EPHA6: variants seen among roughly 807,000 people sequenced by gnomAD.
EPHA6 encodes EPH receptor A6.
EPHA6 carries 50 observed loss-of-function variants against 112.0 expected under a neutral mutation model. That is an observed-to-expected ratio of 0.45 (90% CI 0.36 to 0.56). The LOEUF is 0.56. Ranked by LOEUF, EPHA6 falls within the 20% of genes least tolerant of loss-of-function variation. The pLI is 0.00. For synonymous variants in EPHA6, 529 were observed against 490.7 expected (o/e 1.08, Z -1.03); for missense variants, 1,280 against 1,417.4 (o/e 0.90, Z 1.56).
chr3:97,207,320 C>T (rs549415748), intron 3 of EPHA6, among the ~76,000 whole-genome samples: 5 of 152,188 alleles, frequency 3.3e-5, no homozygotes, highest in South Asian at 2.1e-4. Flanking sequence ...TTGCAAAGTA[C>T]GGTCTTAGAG....
chr3:97,373,405 C>A (rs889013332), intron 5 of EPHA6, among the ~76,000 whole-genome samples: 5 of 152,078 alleles, frequency 3.3e-5, no homozygotes, highest in African/African-American at 1.2e-4. Flanking sequence ...TGGTGGTATT[C>A]CTCTTTTCCA....
At chr3:97,457,257 A>G (rs2090720853) in intron 7 of EPHA6, among the ~76,000 whole-genome samples, 1 of 152,212 alleles carries the variant, frequency 6.6e-6, no homozygotes, top group South Asian at 2.1e-4. Flanking sequence ...AGCTGGTTGT[A>G]GAGTATCATA....
chr3:97,506,507 G>C (rs983877705), intron 10 of EPHA6, among the ~76,000 whole-genome samples: 1 of 152,080 alleles, frequency 6.6e-6, no homozygotes, highest in South Asian at 2.1e-4. Flanking sequence ...GGTGGAGTTA[G>C]TTCTGAGACC....
intron 3 of EPHA6, among the ~76,000 whole-genome samples, chr3:97,035,671 A>G (rs540941343): frequency 6.6e-6 from 1 of 152,064 alleles, no homozygotes; most frequent in South Asian, 2.1e-4. Context: ...TCTTACATGT[A>G]AAGACTGATG....
chr3:97,038,070 T>C (rs2045174571), intron 3 of EPHA6, among the ~76,000 whole-genome samples: 2 of 152,046 alleles, frequency 1.3e-5, no homozygotes, highest in South Asian at 2.1e-4. Context: ...ACATGAGATA[T>C]GTTTATACAT....
intron 5 of EPHA6, among the ~76,000 whole-genome samples, chr3:97,334,741 G>T (rs1383726192): frequency 6.6e-6 from 1 of 151,868 alleles, no homozygotes; most frequent in African/African-American, 2.4e-5. Context: ...GTAATTTGTG[G>T]TTTTTGAAGA....
chr3:97,071,817 G>A (rs1032570861), intron 3 of EPHA6, among the ~76,000 whole-genome samples: 1 of 151,662 alleles, frequency 6.6e-6, no homozygotes. Context: ...TTGGTGCACC[G>A]ATCACCCGAG....
rs368252185 is a variant in EPHA6 at position 97,455,806 on chromosome 3, A to T, written c.1894+7076A>T. Among the ~76,000 whole-genome samples, 436 of 151,968 alleles carry T rather than the reference A, an allele frequency of 2.9e-3. 2 individuals carry two copies. The highest frequency in any genetic ancestry group is 8.9e-3 in the African/African-American group (369 of 41,478). ...TGCAGGGTCTTGATGAAGAGTAACTATTTGCACAGAAAGTAGAAGTCGCCC... is the reference window on the plus strand; with the variant it reads ...TGCAGGGTCTTGATGAAGAGTAACTTTTTGCACAGAAAGTAGAAGTCGCCC... On this transcript the variant is annotated intron_variant, in intron 7 of 17. Transcript: ENST00000389672.
intron 8 of EPHA6, among the ~76,000 whole-genome samples, chr3:97,479,084 C>T (rs544341300): frequency 1.1e-4 from 17 of 152,138 alleles, no homozygotes; most frequent in East Asian, 3.9e-4. Flanking sequence ...TCCTATCTTT[C>T]GAATCCATCT....
At chr3:97,500,283 A>T (rs1267345460) in intron 10 of EPHA6, among the ~76,000 whole-genome samples, 4 of 150,702 alleles carry the variant, frequency 2.7e-5, no homozygotes, top group Admixed American at 6.6e-5. Context: ...GGATAATTTT[A>T]TTTTTTTTTT....
intron 3 of EPHA6, among the ~76,000 whole-genome samples, chr3:97,094,723 C>G (rs552941723): frequency 6.6e-6 from 1 of 152,196 alleles, no homozygotes; most frequent in South Asian, 2.1e-4. Context: ...GCTACATAAA[C>G]TATTATTTTA....
intron 5 of EPHA6, among the ~76,000 whole-genome samples, chr3:97,396,985 G>A (rs953531207): frequency 6.6e-6 from 1 of 151,262 alleles, no homozygotes; most frequent in African/African-American, 2.4e-5. Flanking sequence ...GGAAACTATT[G>A]GAAACGTAGT....
At chr3:97,670,526 A>C (rs987786152) in intron 14 of EPHA6, among the ~76,000 whole-genome samples, 1 of 152,134 alleles carries the variant, frequency 6.6e-6, no homozygotes, top group African/African-American at 2.4e-5. Flanking sequence ...TAACCTGTTG[A>C]ATTTATGCAA....
intron 5 of EPHA6, among the ~76,000 whole-genome samples, chr3:97,384,517 T>C (rs1471559526): frequency 6.6e-6 from 1 of 152,172 alleles, no homozygotes; most frequent in Admixed American, 6.6e-5. Flanking sequence ...CATATTTCAA[T>C]GGAGAGGAAA....
At chr3:96,882,186 G>A (rs538838307) in intron 2 of EPHA6, among the ~76,000 whole-genome samples, 10 of 152,164 alleles carry the variant, frequency 6.6e-5, no homozygotes, top group Admixed American at 2.0e-4. Flanking sequence ...TTTCCCTTCC[G>A]CACTTTAAGA....
chr3:97,138,698 C>A (rs962577443), intron 3 of EPHA6, among the ~76,000 whole-genome samples: 2 of 152,196 alleles, frequency 1.3e-5, no homozygotes, highest in Non-Finnish European at 2.9e-5. Context: ...CCTCCACTGT[C>A]CAAATACAGA....
chr3:97,232,372 G>C (rs908191179), intron 4 of EPHA6, among the ~76,000 whole-genome samples: 1 of 152,090 alleles, frequency 6.6e-6, no homozygotes, highest in Admixed American at 6.6e-5. Flanking sequence ...TGTCTGGTAA[G>C]TTAAAATTCA....
intron 11 of EPHA6, among the ~76,000 whole-genome samples, chr3:97,562,454 CAGG>C (rs1171439608): frequency 6.6e-6 from 1 of 152,100 alleles, no homozygotes; most frequent in Non-Finnish European, 1.5e-5. Context: ...GTGGAAGTCG[CAGG>C]AGAACTAGAA....
chr3:97,667,375 T>A (rs925860070), intron 14 of EPHA6, among the ~76,000 whole-genome samples: 3 of 152,204 alleles, frequency 2.0e-5, no homozygotes, highest in Admixed American at 1.3e-4. Flanking sequence ...AGAATAAGAT[T>A]CTTAAACATT....
Sources: gnomAD v4.1 joint callset for allele counts (sites outside exome capture counted in the v4.1 genomes callset) on GRCh38, gnomAD v4.1.1 for gene constraint, MANE v1.5 for transcripts, NCBI Gene and HGNC (gene_info 2026-07-23, HGNC 2026-07-21) for gene names.